Variants in LRP1B observed in about 807,000 individuals in gnomAD.
LRP1B encodes LDL receptor related protein 1B.
A neutral mutation model predicts 556.6 loss-of-function variants in LRP1B; 217 were observed. That is an observed-to-expected ratio of 0.39 (90% CI 0.35 to 0.44). The LOEUF is 0.44. Among genes scored for constraint, LRP1B ranks in the 20% least tolerant of loss-of-function variants. The pLI is 1.00. For synonymous variants in LRP1B, 2,047 were observed against 1,865.8 expected (o/e 1.10, Z -2.50); for missense variants, 5,053 against 5,620.8 (o/e 0.90, Z 3.23).
rs1553482110 is a variant in LRP1B, at chr2:140,532,940, A to ATCTATATCTATATC, written c.7762+1080_7762+1081insGATATAGATATAGA. Among the ~76,000 whole-genome samples the ATCTATATCTATATC allele has an allele frequency of 6.6e-3, 811 of 122,828 alleles. 22 individuals are homozygous for ATCTATATCTATATC. The highest frequency in any genetic ancestry group is 0.042 in the East Asian group (181 of 4,290). The allele number at this position is 122,828 out of a possible 152,430, so 80.6% of individuals were successfully genotyped here. On this transcript the variant is annotated intron_variant, in intron 47 of 90. Transcript: ENST00000389484. ...CAATCACAGCACAAGATATATATAT[A>ATCTATATCTATATC]TATATATACACATATATATCTCGAT...
intron 66 of LRP1B, among the ~76,000 whole-genome samples, chr2:140,440,743 A>ATGTGTG (rs375585057): frequency 7.3e-5 from 11 of 150,600 alleles, no homozygotes; most frequent in Admixed American, 2.6e-4. Flanking sequence ...CTCTGTATGT[A>ATGTGTG]TGTGTGTGTG....
intron 2 of LRP1B, among the ~76,000 whole-genome samples, chr2:141,642,166 C>T (rs1410939984): frequency 2.0e-5 from 3 of 151,954 alleles, no homozygotes; most frequent in Non-Finnish European, 4.4e-5. Flanking sequence ...CCAGTTGTCC[C>T]GAGTATTGAT....
At chr2:140,660,781 TGTC>T (rs1293858860) in intron 41 of LRP1B, among the ~76,000 whole-genome samples, 1 of 152,118 alleles carries the variant, frequency 6.6e-6, no homozygotes, top group African/African-American at 2.4e-5. Context: ...TAACTGTACA[TGTC>T]TGAAAATGTC....
rs191971798 is a variant in LRP1B, at chr2:140,478,109, A to C, written c.9426-2772T>G. ...AATTTCTTGAGAAAAATGACGTTTT[A>C]TTTCTTTCAGATTTTAGGACAAAGT... On this transcript the variant is annotated intron_variant, in intron 59 of 90. Coordinates refer to ENST00000389484, the MANE Select transcript of LRP1B (RefSeq NM_018557.3). Among the ~76,000 whole-genome samples, 98 of 127,128 alleles carry C rather than the reference A, an allele frequency of 7.7e-4. 1 individual carries two copies. Among genetic ancestry groups the C allele is most frequent in the East Asian group, 5.4e-3 (23 of 4,268 alleles). 83.4% of individuals were successfully genotyped at this position (127,128 alleles called of 152,430 possible). A position where few individuals can be genotyped will look rare whatever the true frequency, so the allele number is the denominator to read the frequency against.
chr2:141,092,859 C>T (rs988621206), intron 7 of LRP1B, among the ~76,000 whole-genome samples: 5 of 152,106 alleles, frequency 3.3e-5, no homozygotes, highest in Non-Finnish European at 7.4e-5. Context: ...TTATTGTTAA[C>T]CTCGATAAGA....
intron 41 of LRP1B, among the ~76,000 whole-genome samples, chr2:140,694,085 A>G (rs1244937103): frequency 6.6e-6 from 1 of 152,174 alleles, no homozygotes; most frequent in Non-Finnish European, 1.5e-5. Flanking sequence ...CTTTTTTTAA[A>G]AAATATGCTA....
intron 27 of LRP1B, among the ~76,000 whole-genome samples, chr2:140,864,042 T>A (rs1405079207): frequency 6.6e-6 from 1 of 151,830 alleles, no homozygotes; most frequent in East Asian, 1.9e-4. Context: ...TCTGTTCAGA[T>A]AACAGAACGA....
chr2:140,779,492 C>T (rs1240657934), intron 32 of LRP1B, among the ~76,000 whole-genome samples: 5 of 151,856 alleles, frequency 3.3e-5, no homozygotes, highest in East Asian at 2.0e-4. Context: ...GTCAGGAGTT[C>T]GAGGCCAGCC....
At chr2:140,878,792 A>G (rs1693384394) in intron 25 of LRP1B, among the ~76,000 whole-genome samples, 1 of 152,048 alleles carries the variant, frequency 6.6e-6, no homozygotes, top group South Asian at 2.1e-4. Flanking sequence ...GGATCATGCG[A>G]GGTCAGGAGT....
chr2:140,646,625 T>C, intron 41 of LRP1B, among the ~76,000 whole-genome samples: 1 of 152,328 alleles, frequency 6.6e-6, no homozygotes, highest in Middle Eastern at 3.4e-3. Flanking sequence ...TCATATTTTT[T>C]AATGTTAGTT....
intron 16 of LRP1B, among the ~76,000 whole-genome samples, chr2:140,989,872 A>T (rs1026478233): frequency 6.6e-6 from 1 of 152,170 alleles, no homozygotes; most frequent in Middle Eastern, 3.2e-3. Context: ...ATTACATCTT[A>T]AATAAAAGGA....
intron 2 of LRP1B, among the ~76,000 whole-genome samples, chr2:141,785,396 T>C (rs999516702): frequency 1.3e-5 from 2 of 151,868 alleles, no homozygotes; most frequent in African/African-American, 4.8e-5. Flanking sequence ...CTGTGAGAAA[T>C]GTGTGATAGC....
chr2:140,831,894 T>C (rs1691730141), intron 31 of LRP1B, among the ~76,000 whole-genome samples: 1 of 152,082 alleles, frequency 6.6e-6, no homozygotes, highest in Non-Finnish European at 1.5e-5. Flanking sequence ...AGACACACAA[T>C]TGGCCAACAG....
chr2:140,661,666 CAAA>C (rs1442969908), intron 41 of LRP1B, among the ~76,000 whole-genome samples: 1 of 152,068 alleles, frequency 6.6e-6, no homozygotes, highest in African/African-American at 2.4e-5. Flanking sequence ...GATCCAGTCT[CAAA>C]ACAACAACAA....
At chr2:141,327,671 A>C (rs1171441826) in intron 3 of LRP1B, among the ~76,000 whole-genome samples, 1 of 152,208 alleles carries the variant, frequency 6.6e-6, no homozygotes, top group Non-Finnish European at 1.5e-5. Context: ...CATTAGTTGG[A>C]CCATGTTTAC....
At chr2:141,776,633 G>A (rs575965684) in intron 2 of LRP1B, among the ~76,000 whole-genome samples, 2 of 152,278 alleles carry the variant, frequency 1.3e-5, no homozygotes, top group African/African-American at 4.8e-5. Context: ...ATAAAAAAGA[G>A]CACTGTTTGA....
In LRP1B at chr2:140,728,900, A is replaced by T. The variant is rs288099; in HGVS notation, c.5759-12084T>A. Among the ~76,000 whole-genome samples the T allele has an allele frequency of 5.3e-3, 808 of 152,224 alleles. 9 individuals are homozygous for T. The highest frequency in any genetic ancestry group is 0.018 in the African/African-American group (763 of 41,562). ...GGAAGTAATAGAACTGTGAAGATTA[A>T]ATGAATCCATCTGTGTTAAATACCT... On this transcript the variant is annotated intron_variant, in intron 35 of 90. Transcript: ENST00000389484.
chr2:142,059,284 A>T (rs1574642174), intron 1 of LRP1B, among the ~76,000 whole-genome samples: 1 of 152,046 alleles, frequency 6.6e-6, no homozygotes, highest in African/African-American at 2.4e-5. Flanking sequence ...AAATGAGTGA[A>T]TTTTTTGGTA....
chr2:141,030,708 C>A (rs1314186018), intron 11 of LRP1B, among the ~76,000 whole-genome samples: 1 of 152,016 alleles, frequency 6.6e-6, no homozygotes, highest in South Asian at 2.1e-4. Context: ...AATATCATTA[C>A]AATATATTTC....
Sources: gnomAD v4.1 joint callset for allele counts (sites outside exome capture counted in the v4.1 genomes callset) on GRCh38, gnomAD v4.1.1 for gene constraint, MANE v1.5 for transcripts, NCBI Gene and HGNC (gene_info 2026-07-23, HGNC 2026-07-21) for gene names.